Variants in RPS6KA4 observed in about 807,000 individuals in gnomAD.
The protein encoded by RPS6KA4 is ribosomal protein S6 kinase alpha-4.
A neutral mutation model predicts 89.6 loss-of-function variants in RPS6KA4; 38 were observed. The ratio of observed to expected loss-of-function variants is 0.42; its 90% CI spans 0.33 to 0.56. The LOEUF (loss-of-function observed/expected upper bound fraction) is 0.56. RPS6KA4 is among the 20% of genes least tolerant of loss of function. The pLI is 0.07. For missense variants in RPS6KA4, 873 were observed against 1,098.8 expected (o/e 0.79, Z 2.90); for synonymous variants, 495 against 492.8 (o/e 1.00, Z -0.06).
chr11:64,371,485 C>T lies in RPS6KA4; in HGVS notation c.*5C>T. On this transcript the variant is annotated 3_prime_UTR_variant, in exon 17 of 17. Transcript: ENST00000334205. ...GGCCCCCTGCCCCCCTCCTAATCCC[C>T]ACCACTGTGACCCCCTTCCCTCATA... 2 of 1,095,714 alleles carry T rather than the reference C, an allele frequency of 1.8e-6. No individual in the cohort carries two copies. Among genetic ancestry groups the T allele is most frequent in the Non-Finnish European group, 2.7e-6 (2 of 746,158 alleles). The allele number at this position is 1,095,714 out of a possible 1,614,324, so 67.9% of individuals were successfully genotyped here.
chr11:64,367,963 G>A (rs508168), intron 9 of RPS6KA4, among the ~76,000 whole-genome samples, 169 bp from the exon 10 acceptor site: 44,841 of 151,994 alleles, frequency 0.3, 7,842 homozygotes, highest in Non-Finnish European at 0.38. Context: ...ATAAAACCAG[G>A]TGGAATAAAA....
In RPS6KA4 at chr11:64,365,545, A is replaced by G; in HGVS notation, c.1071+80A>G. On this transcript the variant is annotated intron_variant, in intron 9 of 16. Coordinates refer to ENST00000334205, the MANE Select transcript of RPS6KA4 (RefSeq NM_003942.3). ...CCTCAGCCCTGGCTGGCCCGAGGAC[A>G]CTGCCTAGGCCTTGTGTCCTGATTG... 2.6e-6 allele frequency: 4 copies of G among 1,511,568 alleles called. No homozygotes were observed. The East Asian group carries it at 9.1e-5, about 34-fold the overall frequency. 93.6% of individuals were successfully genotyped at this position (1,511,568 alleles called of 1,614,324 possible).
chr11:64,366,315 C>T (rs1407086648), intron 9 of RPS6KA4, among the ~76,000 whole-genome samples: 2 of 152,042 alleles, frequency 1.3e-5, no homozygotes, highest in Admixed American at 1.3e-4. Context: ...GGACTACAGG[C>T]GTGCGCCACC....
chr11:64,368,651 CG>C, intron 11 of RPS6KA4, 50 bp downstream of exon 11: 3 of 1,552,022 alleles, frequency 1.9e-6, no homozygotes. Context: ...AGCGCTGTCC[CG>C]GGGGCGGGGC....
chr11:64,360,744 C>G, intron 4 of RPS6KA4, 152 bp downstream of exon 4: 1 of 673,816 alleles, frequency 1.5e-6, no homozygotes, highest in Non-Finnish European at 2.5e-6. Flanking sequence ...TCCCCTGGAC[C>G]CCTTGCAGGA....
intron 8 of RPS6KA4, 149 bp downstream of exon 8, chr11:64,362,151 C>CAGCT (rs2036770898): frequency 2.2e-6 from 2 of 923,826 alleles, no homozygotes; most frequent in Non-Finnish European, 3.2e-6. Context: ...TTTCTCTTCA[C>CAGCT]ATCCATCCCC....
intron 9 of RPS6KA4, among the ~76,000 whole-genome samples, chr11:64,367,366 A>G (rs1001605310): frequency 1.3e-5 from 2 of 152,164 alleles, no homozygotes; most frequent in Non-Finnish European, 2.9e-5. Flanking sequence ...GCTAGAGTGC[A>G]ATGGCATGAT....
In RPS6KA4 at chr11:64,361,927, T is replaced by C. The variant is rs765460256; in HGVS notation, c.831T>C (p.Leu277=). 6.2e-7 allele frequency: 1 copy of C among 1,611,942 alleles called. No homozygotes were observed. Among genetic ancestry groups the C allele is most frequent in the South Asian group, 1.1e-5 (1 of 90,974 alleles). The change falls in exon 8 of 17, where the codon CTT becomes CTC. Residue 277 remains leucine, a synonymous_variant. Coordinates refer to ENST00000334205, the MANE Select transcript of RPS6KA4 (RefSeq NM_003942.3). This position sits in a 1 kb window ranked among gnomAD's most constrained non-coding sequence, Gnocchi z 4.7. The part of the protein sequence containing the change: ...PVAQDLLQRL[L]CKDPKKRLGA... ...CGCAGGACCTGCTGCAGCGGCTGCT[T>C]TGTAAGGATCCTAAGAAGCGATTGG...
In RPS6KA4 at chr11:64,359,395, G is replaced by A. The variant is rs749166781; in HGVS notation, c.73G>A (p.Glu25Lys). 3 of 1,613,614 alleles carry A rather than the reference G, an allele frequency of 1.9e-6. No homozygotes were observed. The highest frequency in any genetic ancestry group is 3.3e-4 in the Middle Eastern group (2 of 6,054). The change falls in exon 2 of 17, where the codon GAG (glutamate) becomes AAG (lysine). Residue 25 changes from glutamate (E) to lysine (K), a missense_variant. Around this residue, in one of 4 missense-constraint regions of RPS6KA4, gnomAD observed 49 missense variants for 51.9 expected, o/e 0.94. Coordinates refer to ENST00000334205, the MANE Select transcript of RPS6KA4 (RefSeq NM_003942.3). Reference sequence around the variant, plus strand: ...GCCCACAGCCAACCTGACCGGGCACGAGGAGAAGGTGAGCGTGGAGAACTT... The same window carrying A: ...GCCCACAGCCAACCTGACCGGGCACAAGGAGAAGGTGAGCGTGGAGAACTT... ...RITEANLTGH[E>K]EKVSVENFEL...
rs1405684525 is a variant in RPS6KA4 at position 64,361,881 on chromosome 11, C to G, written c.785C>G (p.Pro262Arg). 6.2e-7 allele frequency: 1 copy of G among 1,612,838 alleles called. No individual in the cohort carries two copies. Among genetic ancestry groups the G allele is most frequent in the African/African-American group, 1.3e-5 (1 of 74,888 alleles). The change falls in exon 8 of 17, where the codon CCC (proline) becomes CGC (arginine). Residue 262 changes from proline (P) to arginine (R), a missense_variant. Pro to Arg is a moderately radical substitution (Grantham distance 103). This residue lies in a region of RPS6KA4 where 542 missense variants were observed against 736.4 expected (regional missense o/e 0.74). Transcript: ENST00000334205. This position sits in a 1 kb window ranked among gnomAD's most constrained non-coding sequence, Gnocchi z 4.7. Reference protein sequence around the residue: ...RRILKCSPPFPPRIGPVAQDL... With the variant: ...RRILKCSPPFRPRIGPVAQDL... ...ATCCTGAAGTGCTCCCCTCCCTTCC[C>G]CCCTCGGATCGGGCCCGTGGCGCAG...
chr11:64,369,344 G>A lies in RPS6KA4; in HGVS notation c.1429-102G>A, dbSNP rs945223024. 19 of 1,293,400 alleles carry A rather than the reference G, an allele frequency of 1.5e-5. No individual in the cohort carries two copies. In the African/African-American group the frequency reaches 2.9e-4, roughly 20 times the overall value. The allele number at this position is 1,293,400 out of a possible 1,614,324, so 80.1% of individuals were successfully genotyped here. On this transcript the variant is annotated intron_variant, in intron 12 of 16. Coordinates refer to ENST00000334205, the MANE Select transcript of RPS6KA4 (RefSeq NM_003942.3). ...AAAGGACTTTGAGGAGGGGGTTCTC[G>A]AACATTGGCAGGGCCCGAAGGCCGG... is the stretch of plus-strand genomic sequence containing the variant.
intron 8 of RPS6KA4, 74 bp downstream of exon 8, chr11:64,362,076 C>A (rs1327675558): frequency 6.7e-7 from 1 of 1,502,430 alleles, no homozygotes. Flanking sequence ...TGAGGTTGTG[C>A]CTGGCCAGTT....
intron 10 of RPS6KA4, 56 bp downstream of exon 10, chr11:64,368,316 C>G (rs569564598): frequency 1.3e-6 from 2 of 1,590,642 alleles, no homozygotes; most frequent in East Asian, 4.5e-5. Flanking sequence ...GGCCTAGGCC[C>G]GGGGACTCTA....
intron 9 of RPS6KA4, among the ~76,000 whole-genome samples, chr11:64,367,909 T>C (rs2036927056): frequency 6.6e-6 from 1 of 152,134 alleles, no homozygotes; most frequent in African/African-American, 2.4e-5. Context: ...GATGAGAAAG[T>C]TGGGGTCACA....
intron 16 of RPS6KA4, among the ~76,000 whole-genome samples, chr11:64,371,008 G>T (rs2037055275): frequency 6.6e-6 from 1 of 151,684 alleles, no homozygotes; most frequent in Non-Finnish European, 1.5e-5. Flanking sequence ...GGAGGCTGAG[G>T]CAGGAGAATC....
In RPS6KA4 at chr11:64,360,688, G is replaced by T. The variant is rs900977446; in HGVS notation, c.462+96G>T. The stretch of plus-strand genomic sequence containing the variant: ...AGGGCAGCCTCAGGCTTCCCCCTGG[G>T]CTTCCTGGGGGGCCAGTGGTGAGCT... On this transcript the variant is annotated intron_variant, in intron 4 of 16. Transcript: ENST00000334205. 153 of 1,068,432 alleles carry T rather than the reference G, an allele frequency of 1.4e-4. No individual in the cohort carries two copies. The African/African-American group carries it at 2.3e-3, about 16-fold the overall frequency. The allele number at this position is 1,068,432 out of a possible 1,614,324, so 66.2% of individuals were successfully genotyped here.
rs773073810 is a variant in RPS6KA4 at position 64,370,024 on chromosome 11, C to T, written c.1797+131C>T. The T allele has an allele frequency of 2.8e-5, 32 of 1,150,360 alleles. No homozygotes were observed. Among genetic ancestry groups the T allele is most frequent in the Non-Finnish European group, 3.4e-5 (29 of 841,936 alleles). The allele number at this position is 1,150,360 out of a possible 1,614,324, so 71.3% of individuals were successfully genotyped here. A position where few individuals can be genotyped will look rare whatever the true frequency, so the allele number is the denominator to read the frequency against. ...GCTGGGTTTCGTCCGAAGCTGGGAT[C>T]GGGGTGGTTCAAATACAGAGGTGGG... On this transcript the variant is annotated intron_variant, in intron 14 of 16. Coordinates refer to ENST00000334205, the MANE Select transcript of RPS6KA4 (RefSeq NM_003942.3). The surrounding 1 kb of genome is among the most constrained non-coding windows in gnomAD (Gnocchi z 4.1).
At position 64,368,712 on chromosome 11, in the gene RPS6KA4, C is replaced by T. The variant is rs1395024381; in HGVS notation, c.1343C>T (p.Ala448Val). 2.5e-6 allele frequency: 4 copies of T among 1,577,628 alleles called. No individual in the cohort carries two copies. The highest frequency in any genetic ancestry group is 2.6e-6 in the Non-Finnish European group (3 of 1,162,146). The change falls in exon 12 of 17, where the codon GCG (alanine) becomes GTG (valine). Residue 448 changes from alanine (A) to valine (V), a missense_variant. Transcript: ENST00000334205. ...AVKILSRRLEANTQREVAALR... is the reference protein window; with the variant it reads ...AVKILSRRLEVNTQREVAALR... ...TCTGCTCCGTCCCCCAGGCTGGAGGCGAACACGCAGCGCGAAGTGGCTGCC... is the reference window on the plus strand; with the variant it reads ...TCTGCTCCGTCCCCCAGGCTGGAGGTGAACACGCAGCGCGAAGTGGCTGCC...
intron 12 of RPS6KA4, 64 bp downstream of exon 12, chr11:64,368,861 T>G: frequency 4.2e-6 from 6 of 1,421,536 alleles, no homozygotes; most frequent in Non-Finnish European, 5.8e-6. Flanking sequence ...TTGGGGGCAC[T>G]ATGGGCGGGA....
Sources: allele counts gnomAD v4.1 joint callset (sites outside exome capture counted in the v4.1 genomes callset), GRCh38; gene constraint gnomAD v4.1.1; regional missense constraint gnomAD v4.1.1; non-coding constraint Gnocchi (gnomAD v3.1); transcripts MANE v1.5; gene names NCBI Gene and HGNC (gene_info 2026-07-23, HGNC 2026-07-21).